The following PRKG1 variants were observed in gnomAD, a reference collection of about 807,000 sequenced individuals.
PRKG1 encodes the protein protein kinase cGMP-dependent 1.
PRKG1 carries 35 observed loss-of-function variants against 88.1 expected under a neutral mutation model. The observed-to-expected ratio is 0.40, with a 90% confidence interval of 0.30 to 0.53. PRKG1 has a LOEUF of 0.53. Ranked by LOEUF, PRKG1 falls within the 20% of genes least tolerant of loss-of-function variation. The probability of loss-of-function intolerance (pLI) is 0.59; values close to 1 mark genes in which losing one functional copy is unlikely to be tolerated. For synonymous variants in PRKG1, 303 were observed against 292.5 expected (o/e 1.04, Z -0.37); for missense variants, 540 against 839.8 (o/e 0.64, Z 4.41).
chr10:51,684,414 C>T (rs1320177726), intron 3 of PRKG1, among the ~76,000 whole-genome samples: 6 of 151,948 alleles, frequency 3.9e-5, no homozygotes, highest in Admixed American at 3.9e-4. Flanking sequence ...GGCTGCACAA[C>T]TCTATGACTA....
In PRKG1 at chr10:52,233,267, GAAA is replaced by G. The variant is rs1356135384; in HGVS notation, c.1077-18300_1077-18298del. On this transcript the variant is annotated intron_variant, in intron 9 of 17. Coordinates refer to ENST00000373980, the MANE Select transcript of PRKG1 (RefSeq NM_006258.4). The stretch of plus-strand genomic sequence containing the variant: ...AACTCTGTATCTGAAAACTATGTGG[GAAA>G]AAGGAAGTCAAATATGAAAAAAAAT... Among the ~76,000 whole-genome samples the G allele has an allele frequency of 1.1e-4, 16 of 151,718 alleles. No homozygotes were observed. In the East Asian group the frequency reaches 3.1e-3, roughly 30 times the overall value.
At chr10:51,524,865 G>A (rs1004280296) in intron 3 of PRKG1, among the ~76,000 whole-genome samples, 11 of 152,222 alleles carry the variant, frequency 7.2e-5, no homozygotes, top group African/African-American at 1.7e-4. Context: ...AAAGCTGCTC[G>A]TTATTTTTCA....
intron 2 of PRKG1, among the ~76,000 whole-genome samples, chr10:51,317,830 T>C (rs1002603824): frequency 2.6e-5 from 4 of 152,140 alleles, no homozygotes; most frequent in African/African-American, 4.8e-5. Context: ...TATGCCAGGG[T>C]CTCCAAAACC....
intron 2 of PRKG1, among the ~76,000 whole-genome samples, chr10:51,345,062 A>T (rs183718313): frequency 8.9e-4 from 136 of 152,296 alleles, no homozygotes; most frequent in African/African-American, 3.2e-3. Flanking sequence ...AACAATAATA[A>T]TTAGTAGTTC....
At chr10:51,626,327 A>T (rs998907104) in intron 3 of PRKG1, among the ~76,000 whole-genome samples, 1 of 152,228 alleles carries the variant, frequency 6.6e-6, no homozygotes, top group Non-Finnish European at 1.5e-5. Flanking sequence ...AGAAAAACAT[A>T]GTTGACATTT....
At chr10:51,852,503 A>G (rs1474979687) in intron 4 of PRKG1, among the ~76,000 whole-genome samples, 1 of 152,102 alleles carries the variant, frequency 6.6e-6, no homozygotes, top group Non-Finnish European at 1.5e-5. Context: ...TCCATGTGGT[A>G]GCTGGTGACA....
chr10:51,934,693 G>A lies in PRKG1; in HGVS notation c.762+27123G>A, dbSNP rs142874806. Among the ~76,000 whole-genome samples, 118 of 152,268 alleles carry A rather than the reference G, an allele frequency of 7.7e-4. 1 individual carries two copies. Among genetic ancestry groups the A allele is most frequent in the African/African-American group, 2.7e-3 (112 of 41,562 alleles). On this transcript the variant is annotated intron_variant, in intron 5 of 17. Transcript: ENST00000373980. ...CCCTACCGTCTGTCTGTGACGTCTG[G>A]AGTAGTGAAAGATTAGCCTTGCCAA... is the stretch of plus-strand genomic sequence containing the variant.
intron 3 of PRKG1, among the ~76,000 whole-genome samples, chr10:51,624,778 C>G (rs933939365): frequency 3.9e-5 from 6 of 152,172 alleles, no homozygotes; most frequent in Admixed American, 3.3e-4. Flanking sequence ...TTAAACTAGT[C>G]TGATTATGGG....
At chr10:51,126,308 T>G (rs1845414510) in intron 1 of PRKG1, among the ~76,000 whole-genome samples, 1 of 123,206 alleles carries the variant, frequency 8.1e-6, no homozygotes, top group South Asian at 2.4e-4. Flanking sequence ...TTTATATATT[T>G]ATAATTATTT....
chr10:51,423,716 C>T (rs760616530), intron 2 of PRKG1, among the ~76,000 whole-genome samples: 19 of 152,066 alleles, frequency 1.2e-4, no homozygotes, highest in Admixed American at 2.6e-4. Context: ...CATTATTATT[C>T]CAACCTCCTG....
At chr10:51,221,331 G>A (rs1005695165) in intron 2 of PRKG1, among the ~76,000 whole-genome samples, 4 of 151,738 alleles carry the variant, frequency 2.6e-5, no homozygotes, top group African/African-American at 9.7e-5. Context: ...TGACTAAAGG[G>A]AGTTTAAATT....
At chr10:51,927,376 C>T (rs1842601441) in intron 5 of PRKG1, among the ~76,000 whole-genome samples, 1 of 152,154 alleles carries the variant, frequency 6.6e-6, no homozygotes, top group South Asian at 2.1e-4. Flanking sequence ...CCTCTCCAGC[C>T]ACATGGAACT....
At chr10:51,858,308 ATATGTATAATATG>A (rs1196014389) in intron 4 of PRKG1, among the ~76,000 whole-genome samples, 12 of 17,002 alleles carry the variant, frequency 7.1e-4, no homozygotes, top group Non-Finnish European at 1.3e-3. Context: ...TATAATATAT[ATATGTATAATATG>A]TATTATATAT....
intron 5 of PRKG1, among the ~76,000 whole-genome samples, chr10:52,018,930 C>T (rs986300191): frequency 5.9e-5 from 9 of 151,582 alleles, no homozygotes; most frequent in Admixed American, 1.3e-4. Flanking sequence ...TTGTCTGCTT[C>T]GTGTTGCTAA....
At chr10:52,088,515 G>A (rs1190237321) in intron 7 of PRKG1, among the ~76,000 whole-genome samples, 1 of 152,128 alleles carries the variant, frequency 6.6e-6, no homozygotes, top group Non-Finnish European at 1.5e-5. Flanking sequence ...GAAAGGGCTG[G>A]AGGAAACTAG....
intron 3 of PRKG1, among the ~76,000 whole-genome samples, chr10:51,517,425 T>G (rs1310068843): frequency 1.3e-5 from 2 of 152,200 alleles, no homozygotes; most frequent in Non-Finnish European, 2.9e-5. Flanking sequence ...AATGTGTACC[T>G]GAGGGGGTGT....
chr10:51,034,868 C>T lies in PRKG1; in HGVS notation c.266+43224C>T, dbSNP rs371836223. On this transcript the variant is annotated intron_variant, in intron 1 of 17. Transcript: ENST00000401604. ...GGAGTGGGAAGCTTCAAAAATGAAC[C>T]TGCTTTCTGGATCATTCATTTAGCA... 7.9e-5 allele frequency among the ~76,000 whole-genome samples: 12 copies of T among 151,492 alleles called. No individual in the cohort carries two copies. In the East Asian group the frequency reaches 1.9e-3, roughly 25 times the overall value.
intron 4 of PRKG1, among the ~76,000 whole-genome samples, chr10:51,807,825 T>C (rs1217845813): frequency 6.6e-6 from 1 of 152,158 alleles, no homozygotes; most frequent in Non-Finnish European, 1.5e-5. Context: ...AAGGAGTCTG[T>C]CTCTATGACT....
intron 3 of PRKG1, among the ~76,000 whole-genome samples, chr10:51,476,356 G>A (rs1840195646): frequency 6.6e-6 from 1 of 151,988 alleles, no homozygotes; most frequent in Non-Finnish European, 1.5e-5. Flanking sequence ...CAGAAGGCAG[G>A]TAAAAAAAGA....
Sources: gnomAD v4.1 joint callset for allele counts (sites outside exome capture counted in the v4.1 genomes callset) on GRCh38, gnomAD v4.1.1 for gene constraint, MANE v1.5 for transcripts, NCBI Gene and HGNC (gene_info 2026-07-23, HGNC 2026-07-21) for gene names.